NRG4: variants seen among roughly 807,000 people sequenced by gnomAD.
NRG4 encodes the protein pro-neuregulin-4, membrane-bound isoform.
NRG4 carries 10 observed loss-of-function variants against 15.0 expected under a neutral mutation model. The ratio of observed to expected loss-of-function variants is 0.67; its 90% CI spans 0.41 to 1.13. The LOEUF (loss-of-function observed/expected upper bound fraction) is 1.13, where lower values mean the gene tolerates loss of function less well. NRG4 is among the 50% of genes most tolerant of loss of function. The pLI is 0.00. For synonymous variants in NRG4, 41 were observed against 50.1 expected (o/e 0.82, Z 0.77); for missense variants, 139 against 140.2 (o/e 0.99, Z 0.04).
rs1391581067 is a variant in NRG4, at chr15:75,948,534, C to T, written c.332-4880G>A. 3.9e-5 allele frequency among the ~76,000 whole-genome samples: 6 copies of T among 151,912 alleles called. No homozygotes were observed. The East Asian group carries it at 9.7e-4, about 25-fold the overall frequency. On this transcript the variant is annotated intron_variant, in intron 5 of 5. Coordinates refer to ENST00000394907, the MANE Select transcript of NRG4 (RefSeq NM_138573.4). ...CAGGCTGGTCTCGAACTCCTGACCT[C>T]GTGATCCGCCCACCTGGGCCTCCCA...
downstream of NRG4, chr15:75,936,755 G>T (rs2030380412): frequency 6.6e-6 from 1 of 151,810 alleles, no homozygotes; most frequent in African/African-American, 2.4e-5. Flanking sequence ...TGTATTTTTA[G>T]TAGAGATGGG....
intron 2 of NRG4, among the ~76,000 whole-genome samples, chr15:76,010,567 G>C (rs943872733): frequency 6.6e-6 from 1 of 151,972 alleles, no homozygotes; most frequent in African/African-American, 2.4e-5. Context: ...AAAATGTAAA[G>C]ACGAAATCAG....
intron 3 of NRG4, among the ~76,000 whole-genome samples, chr15:75,976,516 G>A (rs888728423): frequency 6.6e-6 from 1 of 152,200 alleles, no homozygotes; most frequent in South Asian, 2.1e-4. Context: ...TTCGGCTGGG[G>A]TTTTTTTGTG....
At chr15:76,052,642 T>C (rs1366910228) in intron 3 of NRG4, among the ~76,000 whole-genome samples, 1 of 151,150 alleles carries the variant, frequency 6.6e-6, no homozygotes, top group Non-Finnish European at 1.5e-5. Flanking sequence ...TGGTAGTCTT[T>C]GTGGGAAAGA....
intron 3 of NRG4, among the ~76,000 whole-genome samples, chr15:76,052,685 C>T (rs937142657): frequency 6.6e-6 from 1 of 150,988 alleles, no homozygotes; most frequent in African/African-American, 2.5e-5. Context: ...ATCTATCTTC[C>T]ACTTAGAAAG....
chr15:75,938,022 C>G (rs1285632146), downstream of NRG4: 1 of 152,202 alleles, frequency 6.6e-6, no homozygotes, highest in Non-Finnish European at 1.5e-5. Flanking sequence ...AAAACACTTG[C>G]CCGGAAAGTT....
At chr15:75,968,515 A>G (rs2032930778) in intron 3 of NRG4, among the ~76,000 whole-genome samples, 1 of 149,886 alleles carries the variant, frequency 6.7e-6, no homozygotes. Flanking sequence ...TGAACCCAGG[A>G]GGCAGAGGTT....
chr15:76,038,815 C>T (rs2035659238), intron 4 of NRG4, among the ~76,000 whole-genome samples: 2 of 152,196 alleles, frequency 1.3e-5, no homozygotes, highest in Non-Finnish European at 2.9e-5. Flanking sequence ...AGACCCAGTG[C>T]TGTGCTGGCT....
intron 5 of NRG4, among the ~76,000 whole-genome samples, chr15:75,949,807 G>T (rs552529281): frequency 6.6e-6 from 1 of 152,288 alleles, no homozygotes; most frequent in African/African-American, 2.4e-5. Flanking sequence ...TATCCAAACT[G>T]CCCCAGTATC....
intron 3 of NRG4, among the ~76,000 whole-genome samples, chr15:75,995,884 G>A (rs142114744): frequency 6.6e-6 from 1 of 152,294 alleles, no homozygotes; most frequent in Admixed American, 6.5e-5. Context: ...AGTAGAGAGG[G>A]TATTGTAGCC....
chr15:76,004,422 GA>G (rs1264171214), intron 3 of NRG4, among the ~76,000 whole-genome samples: 5 of 151,792 alleles, frequency 3.3e-5, no homozygotes, highest in African/African-American at 1.2e-4. Context: ...CCAAAATGGA[GA>G]AATCTTGTCT....
At chr15:75,989,044 G>T (rs1360812292) in intron 3 of NRG4, among the ~76,000 whole-genome samples, 1 of 151,876 alleles carries the variant, frequency 6.6e-6, no homozygotes, top group Non-Finnish European at 1.5e-5. Context: ...TTTTTGTAGA[G>T]ATGGGGTCTC....
chr15:76,007,468 C>T (rs1402062809), intron 3 of NRG4, among the ~76,000 whole-genome samples: 5 of 142,334 alleles, frequency 3.5e-5, no homozygotes, highest in African/African-American at 7.9e-5. Context: ...CTCGCTCTGT[C>T]GCCCAAGCTG....
intron 2 of NRG4, among the ~76,000 whole-genome samples, chr15:76,009,848 T>C (rs1382384744): frequency 6.6e-6 from 1 of 152,166 alleles, no homozygotes; most frequent in African/African-American, 2.4e-5. Context: ...CAAAGTGTTT[T>C]AGGTAACAGT....
chr15:76,047,445 A>G (rs2035896814), intron 4 of NRG4, among the ~76,000 whole-genome samples: 1 of 151,106 alleles, frequency 6.6e-6, no homozygotes, highest in South Asian at 2.1e-4. Context: ...TCCATAAAAA[A>G]AAGAATAAAA....
intron 3 of NRG4, chr15:75,971,171 C>CATAT (rs2033072747): frequency 6.7e-6 from 3 of 448,162 alleles, no homozygotes; most frequent in Non-Finnish European, 1.3e-5. Flanking sequence ...ATTACCTGTA[C>CATAT]ATATGTGTGT....
intron 3 of NRG4, among the ~76,000 whole-genome samples, chr15:75,999,107 A>G (rs777464234): frequency 1.1e-4 from 16 of 152,238 alleles, no homozygotes; most frequent in Non-Finnish European, 1.9e-4. Flanking sequence ...TTTCACATAT[A>G]ACAAAGTTGG....
intron 5 of NRG4, among the ~76,000 whole-genome samples, chr15:76,035,406 C>T (rs542041551): frequency 2.6e-4 from 39 of 152,224 alleles, no homozygotes; most frequent in African/African-American, 7.5e-4. Context: ...TTCAACTATT[C>T]GATTTTTTAT....
chr15:75,985,394 A>G (rs1398871035), intron 3 of NRG4, among the ~76,000 whole-genome samples: 1 of 152,206 alleles, frequency 6.6e-6, no homozygotes, highest in African/African-American at 2.4e-5. Flanking sequence ...CTAGTAATGA[A>G]TTGTGACAAT....
Sources: allele counts gnomAD v4.1 joint callset (sites outside exome capture counted in the v4.1 genomes callset), GRCh38; gene constraint gnomAD v4.1.1; transcripts MANE v1.5; gene names NCBI Gene and HGNC (gene_info 2026-07-23, HGNC 2026-07-21).